The following MAP2K5 variants were observed in gnomAD, a reference collection of about 807,000 sequenced individuals.
MAP2K5 encodes mitogen-activated protein kinase kinase 5.
In MAP2K5, 49 loss-of-function variants were observed where a neutral mutation model predicts 83.1. The ratio of observed to expected loss-of-function variants is 0.59; its 90% CI spans 0.47 to 0.75. The LOEUF (loss-of-function observed/expected upper bound fraction) is 0.75. MAP2K5 is among the 30% of genes least tolerant of loss of function. The probability of loss-of-function intolerance (pLI) is 0.00; values close to 1 mark genes in which losing one functional copy is unlikely to be tolerated. For missense variants in MAP2K5, 457 were observed against 557.5 expected, an observed-to-expected ratio of 0.82 and a Z score of 1.82; for synonymous variants, 202 against 191.8, an observed-to-expected ratio of 1.05 and a Z score of -0.44.
intron 16 of MAP2K5, among the ~76,000 whole-genome samples, chr15:67,705,458 G>A (rs1220732551): frequency 6.6e-6 from 1 of 152,186 alleles, no homozygotes; most frequent in Non-Finnish European, 1.5e-5. Context: ...GACTAGGCTG[G>A]GCTCAGTGGC....
intron 8 of MAP2K5, among the ~76,000 whole-genome samples, chr15:67,619,585 A>G (rs1450529312): frequency 6.6e-6 from 1 of 152,228 alleles, no homozygotes; most frequent in Non-Finnish European, 1.5e-5. Context: ...AGTAGAACAT[A>G]ACATAGACCC....
rs375671982 is a variant in MAP2K5 at position 67,785,395 on chromosome 15, G to A, written c.1242+12643G>A. Among the ~76,000 whole-genome samples, 1 of 152,158 alleles carries A rather than the reference G, an allele frequency of 6.6e-6. No individual in the cohort carries two copies. The highest frequency in any genetic ancestry group is 1.5e-5 in the Non-Finnish European group (1 of 68,038). ...TGTTTGCGGTTCACATTGCAGCATGGCTACTTGTATCATTGCAGGCCAGCA... is the reference window on the plus strand; with the variant it reads ...TGTTTGCGGTTCACATTGCAGCATGACTACTTGTATCATTGCAGGCCAGCA... On this transcript the variant is annotated intron_variant, in intron 21 of 21. Coordinates refer to ENST00000178640, the MANE Select transcript of MAP2K5 (RefSeq NM_145160.3). This position sits in a 1 kb window ranked among gnomAD's most constrained non-coding sequence, Gnocchi z 4.4.
At chr15:67,568,863 G>A (rs747099608) in intron 3 of MAP2K5, among the ~76,000 whole-genome samples, 10 of 151,700 alleles carry the variant, frequency 6.6e-5, no homozygotes, top group Non-Finnish European at 1.0e-4. Context: ...AAAATTAGCC[G>A]GGCGTGGTGG....
At chr15:67,576,976 C>A (rs1480305041) in intron 3 of MAP2K5, among the ~76,000 whole-genome samples, 1 of 140,352 alleles carries the variant, frequency 7.1e-6, no homozygotes, top group South Asian at 2.4e-4. Context: ...TCGCCCAGGC[C>A]GGACTGCGGA....
chr15:67,635,071 C>T (rs186422383), intron 9 of MAP2K5, among the ~76,000 whole-genome samples: 6 of 152,206 alleles, frequency 3.9e-5, no homozygotes, highest in Non-Finnish European at 7.4e-5. Flanking sequence ...ACAAATCTTA[C>T]AGTGGTGTAT....
At chr15:67,695,116 G>C (rs561802851) in intron 15 of MAP2K5, among the ~76,000 whole-genome samples, 6 of 146,258 alleles carry the variant, frequency 4.1e-5, no homozygotes, top group African/African-American at 1.5e-4. Flanking sequence ...TTGTGGGTTG[G>C]GGGGAGGGGG....
chr15:67,651,596 TC>T (rs369678900), intron 11 of MAP2K5, among the ~76,000 whole-genome samples: 128 of 152,312 alleles, frequency 8.4e-4, no homozygotes, highest in African/African-American at 3.0e-3. Context: ...TGTTTTTGGC[TC>T]CCACATGTGA....
chr15:67,594,192 A>C (rs932815860), intron 7 of MAP2K5, among the ~76,000 whole-genome samples: 1 of 152,126 alleles, frequency 6.6e-6, no homozygotes, highest in African/African-American at 2.4e-5. Context: ...TGTAGTCTCA[A>C]CATTTTAGAT....
chr15:67,654,876 G>C (rs1212672334), intron 11 of MAP2K5, among the ~76,000 whole-genome samples: 2 of 151,944 alleles, frequency 1.3e-5, no homozygotes. Flanking sequence ...GCCTGGCCGA[G>C]TTGGTGAAAC....
intron 16 of MAP2K5, among the ~76,000 whole-genome samples, chr15:67,706,684 C>T (rs1378616381): frequency 2.6e-5 from 4 of 152,092 alleles, no homozygotes; most frequent in Non-Finnish European, 5.9e-5. Flanking sequence ...AGGATTGTAG[C>T]CCCTGACCTC....
At chr15:67,710,888 C>T (rs1347474539) in intron 16 of MAP2K5, among the ~76,000 whole-genome samples, 1 of 152,120 alleles carries the variant, frequency 6.6e-6, no homozygotes, top group Admixed American at 6.5e-5. Flanking sequence ...TAAAAATAAA[C>T]CCATGGAATA....
Position 67,794,288 on chromosome 15 carries a change from T to C in MAP2K5, c.1243-12358T>C, listed in dbSNP as rs924843475. On this transcript the variant is annotated intron_variant, in intron 21 of 21. Transcript: ENST00000178640. The surrounding 1 kb of genome is among the most constrained non-coding windows in gnomAD (Gnocchi z 4.6). ...GAATAGTTAAATACCACAGGTTCTT[T>C]GTGTTTTGTTTTAGAAAATATTGCT... 6.6e-6 allele frequency among the ~76,000 whole-genome samples: 1 copy of C among 152,228 alleles called. No individual in the cohort carries two copies. Among genetic ancestry groups the C allele is most frequent in the African/African-American group, 2.4e-5 (1 of 41,454 alleles).
At chr15:67,766,374 A>T (rs1055018947) in intron 19 of MAP2K5, among the ~76,000 whole-genome samples, 3 of 152,228 alleles carry the variant, frequency 2.0e-5, no homozygotes, top group African/African-American at 7.2e-5. Flanking sequence ...AAAGAGAGTG[A>T]CTTTCATTAA....
At chr15:67,692,965 C>G (rs1028622993) in intron 14 of MAP2K5, among the ~76,000 whole-genome samples, 2 of 152,136 alleles carry the variant, frequency 1.3e-5, no homozygotes, top group African/African-American at 4.8e-5. Context: ...TAATTAATTT[C>G]CATTTTGGAC....
At chr15:67,759,086 A>G (rs1047417137) in intron 19 of MAP2K5, among the ~76,000 whole-genome samples, 1 of 152,310 alleles carries the variant, frequency 6.6e-6, no homozygotes, top group South Asian at 2.1e-4. Flanking sequence ...AAAGATTTCT[A>G]TTGAAATACA....
chr15:67,636,850 G>A lies in MAP2K5; in HGVS notation c.585+5923G>A, dbSNP rs995458493. The stretch of plus-strand genomic sequence containing the variant: ...GATTAACATTTGAGTTAATGTTAAC[G>A]TAAGAGATTAACATTTGAGTCAGTG... On this transcript the variant is annotated intron_variant, in intron 9 of 21. Coordinates refer to ENST00000178640, the MANE Select transcript of MAP2K5 (RefSeq NM_145160.3). This position sits in a 1 kb window ranked among gnomAD's most constrained non-coding sequence, Gnocchi z 4.7. 3.3e-5 allele frequency among the ~76,000 whole-genome samples: 5 copies of A among 152,186 alleles called. No homozygotes were observed. The highest frequency in any genetic ancestry group is 9.7e-5 in the African/African-American group (4 of 41,446).
chr15:67,803,423 G>C (rs2090741849), intron 21 of MAP2K5, among the ~76,000 whole-genome samples: 1 of 152,190 alleles, frequency 6.6e-6, no homozygotes, highest in Non-Finnish European at 1.5e-5. Context: ...CTAAACTCAT[G>C]AGGAATGCCT....
chr15:67,644,485 A>C lies in MAP2K5; in HGVS notation c.586-1746A>C, dbSNP rs964891972. ...TTTGAACAGTATGGTCTTCTTTCTTAAAAAAATATGTGTTTGAAATAAACT... is the reference window on the plus strand; with the variant it reads ...TTTGAACAGTATGGTCTTCTTTCTTCAAAAAATATGTGTTTGAAATAAACT... On this transcript the variant is annotated intron_variant, in intron 9 of 21. Coordinates refer to ENST00000178640, the MANE Select transcript of MAP2K5 (RefSeq NM_145160.3). The surrounding 1 kb of genome is among the most constrained non-coding windows in gnomAD (Gnocchi z 4.6). Among the ~76,000 whole-genome samples the C allele has an allele frequency of 6.6e-6, 1 of 152,152 alleles. No homozygotes were observed. The highest frequency in any genetic ancestry group is 1.9e-4 in the East Asian group (1 of 5,202).
At chr15:67,660,114 C>T (rs1469541108) in intron 12 of MAP2K5, among the ~76,000 whole-genome samples, 1 of 151,972 alleles carries the variant, frequency 6.6e-6, no homozygotes, top group Non-Finnish European at 1.5e-5. Context: ...AATATGTGTC[C>T]AATTTTTCCA....
Sources: allele counts gnomAD v4.1 joint callset (sites outside exome capture counted in the v4.1 genomes callset), GRCh38; gene constraint gnomAD v4.1.1; non-coding constraint Gnocchi (gnomAD v3.1); transcripts MANE v1.5; gene names NCBI Gene and HGNC (gene_info 2026-07-23, HGNC 2026-07-21).